Variants in CDH13 observed in about 807,000 individuals in gnomAD.
The protein encoded by CDH13 is cadherin 13, also known as cadherin-13.
A neutral mutation model predicts 63.8 loss-of-function variants in CDH13; 24 were observed. The ratio of observed to expected loss-of-function variants is 0.38; its 90% CI spans 0.27 to 0.53. The LOEUF is 0.53. CDH13 is among the 20% of genes least tolerant of loss of function. CDH13 has a pLI of 0.85. For missense variants in CDH13, 1,049 were observed against 903.1 expected (o/e 1.16, Z -2.07); for synonymous variants, 503 against 355.3 (o/e 1.42, Z -4.67).
At chr16:83,006,343 C>G (rs1305603274) in intron 2 of CDH13, among the ~76,000 whole-genome samples, 1 of 152,190 alleles carries the variant, frequency 6.6e-6, no homozygotes, top group African/African-American at 2.4e-5. Context: ...GGCTTTCTCC[C>G]AGGTGCATCT....
chr16:83,727,198 C>G (rs1910513263), intron 10 of CDH13, among the ~76,000 whole-genome samples: 1 of 151,994 alleles, frequency 6.6e-6, no homozygotes, highest in African/African-American at 2.4e-5. Context: ...CCCCACTGCT[C>G]TAGTGACCAC....
Position 83,289,230 on chromosome 16 carries a change from C to T in CDH13, c.637-55632C>T, listed in dbSNP as rs185456257. On this transcript the variant is annotated intron_variant, in intron 5 of 13. Coordinates refer to ENST00000567109, the MANE Select transcript of CDH13 (RefSeq NM_001257.5). ...TGTCAGGAAATGAACAGTACATAAC[C>T]CAACCTGGGACCCTTTTGGCCTCTA... Among the ~76,000 whole-genome samples the T allele has an allele frequency of 2.0e-5, 3 of 152,286 alleles. No individual in the cohort carries two copies. The East Asian group carries it at 5.8e-4, about 29-fold the overall frequency.
At chr16:83,726,909 G>C (rs1219940385) in intron 10 of CDH13, among the ~76,000 whole-genome samples, 1 of 152,078 alleles carries the variant, frequency 6.6e-6, no homozygotes, top group East Asian at 1.9e-4. Context: ...ACTATCGAGG[G>C]AGGAGTGTTT....
At chr16:83,677,169 C>T (rs1041448281) in intron 9 of CDH13, among the ~76,000 whole-genome samples, 1 of 152,240 alleles carries the variant, frequency 6.6e-6, no homozygotes, top group African/African-American at 2.4e-5. Context: ...GGAAATGCTG[C>T]ACCCACCACA....
intron 5 of CDH13, among the ~76,000 whole-genome samples, chr16:83,301,968 A>AG (rs2089758610): frequency 1.5e-5 from 2 of 135,476 alleles, no homozygotes; most frequent in East Asian, 4.4e-4. Context: ...AGTAAATTTA[A>AG]GAAAAAAAAA....
At chr16:83,650,883 G>T (rs1912309605) in intron 8 of CDH13, among the ~76,000 whole-genome samples, 1 of 151,736 alleles carries the variant, frequency 6.6e-6, no homozygotes, top group African/African-American at 2.4e-5. Context: ...GACCAGCCTG[G>T]GCAACATAGT....
intron 3 of CDH13, among the ~76,000 whole-genome samples, chr16:83,124,110 A>C (rs1425723641): frequency 6.6e-6 from 1 of 151,934 alleles, no homozygotes; most frequent in African/African-American, 2.4e-5. Context: ...CAGTGGTGTA[A>C]TCTTGGCTCA....
intron 5 of CDH13, among the ~76,000 whole-genome samples, chr16:83,266,040 G>A (rs990332977): frequency 2.0e-5 from 3 of 152,000 alleles, no homozygotes; most frequent in Non-Finnish European, 2.9e-5. Flanking sequence ...AGCTTCAAGC[G>A]ATTCTCCTGC....
At chr16:83,187,099 T>G (rs1192279919) in intron 4 of CDH13, among the ~76,000 whole-genome samples, 1 of 152,044 alleles carries the variant, frequency 6.6e-6, no homozygotes. Flanking sequence ...GCCTCCTGAG[T>G]AGCTGGGACT....
At chr16:82,663,018 C>A (rs1912146881) in intron 1 of CDH13, among the ~76,000 whole-genome samples, 1 of 152,194 alleles carries the variant, frequency 6.6e-6, no homozygotes, top group Non-Finnish European at 1.5e-5. Context: ...TGACTTGTCT[C>A]TTCCTACATG....
At position 82,714,538 on chromosome 16, in the gene CDH13, G is replaced by A. The variant is rs559756441; in HGVS notation, c.45+87401G>A. Among the ~76,000 whole-genome samples, 3 of 151,572 alleles carry A rather than the reference G, an allele frequency of 2.0e-5. No individual in the cohort carries two copies. In the East Asian group the frequency reaches 5.9e-4, roughly 30 times the overall value. On this transcript the variant is annotated intron_variant, in intron 1 of 13. Transcript: ENST00000567109. ...AGACAAGCCTGGCCACCATAGGGAA[G>A]CCCTGTCTCTACTAAAAATATATAA...
intron 11 of CDH13, among the ~76,000 whole-genome samples, chr16:83,749,951 C>G (rs1168852088): frequency 6.6e-6 from 1 of 152,166 alleles, no homozygotes; most frequent in Non-Finnish European, 1.5e-5. Flanking sequence ...TTGGCAGCTT[C>G]TGATTGGTTA....
At chr16:82,807,052 G>A (rs111581110) in intron 1 of CDH13, among the ~76,000 whole-genome samples, 1 of 149,748 alleles carries the variant, frequency 6.7e-6, no homozygotes, top group Non-Finnish European at 1.5e-5. Context: ...GTAACTTCTA[G>A]TTTCTAAGTA....
intron 6 of CDH13, among the ~76,000 whole-genome samples, chr16:83,485,106 G>A (rs2073856521): frequency 6.6e-6 from 1 of 152,166 alleles, no homozygotes; most frequent in Admixed American, 6.5e-5. Context: ...TTTTTAAGCT[G>A]CTGCAAAATA....
At chr16:82,800,572 C>G (rs34349919) in intron 1 of CDH13, among the ~76,000 whole-genome samples, 10,909 of 152,152 alleles carry the variant, frequency 0.072, 420 homozygotes, top group South Asian at 0.1. Context: ...GGCTCATAAC[C>G]CATAAAAGTT....
At chr16:83,232,227 T>TTTTCA (rs3049884) in intron 5 of CDH13, among the ~76,000 whole-genome samples, 1 of 67,626 alleles carries the variant, frequency 1.5e-5, no homozygotes, top group African/African-American at 5.3e-5. Context: ...TTTTTTTTTT[T>TTTTCA]AAAAAAAAAA....
chr16:82,838,023 T>A (rs986448585), intron 1 of CDH13, among the ~76,000 whole-genome samples: 1 of 152,148 alleles, frequency 6.6e-6, no homozygotes, highest in Non-Finnish European at 1.5e-5. Context: ...TCTGGCTTCA[T>A]CCCCAGTACT....
At chr16:83,700,395 A>G (rs991717355) in intron 10 of CDH13, among the ~76,000 whole-genome samples, 2 of 152,120 alleles carry the variant, frequency 1.3e-5, no homozygotes, top group African/African-American at 4.8e-5. Context: ...TTAGAAACCC[A>G]TGGTTGTTAA....
intron 1 of CDH13, among the ~76,000 whole-genome samples, chr16:82,756,532 C>T (rs749920700): frequency 2.6e-5 from 4 of 152,140 alleles, no homozygotes; most frequent in Non-Finnish European, 2.9e-5. Flanking sequence ...TATCTTTCAG[C>T]CTCAGTTTCC....
Sources: allele counts gnomAD v4.1 joint callset (sites outside exome capture counted in the v4.1 genomes callset), GRCh38; gene constraint gnomAD v4.1.1; transcripts MANE v1.5; gene names NCBI Gene and HGNC (gene_info 2026-07-23, HGNC 2026-07-21).